ANO2: variants seen among roughly 807,000 people sequenced by gnomAD.
ANO2 encodes anoctamin 2.
Under a neutral mutation model 124.2 loss-of-function variants are expected in ANO2, and 101 were observed. That is an observed-to-expected ratio of 0.81 (90% CI 0.69 to 0.96). ANO2 has a LOEUF of 0.96. ANO2 is among the 40% of genes least tolerant of loss of function. ANO2 has a pLI of 0.00. For synonymous variants in ANO2, 486 were observed against 482.5 expected (o/e 1.01, Z -0.09); for missense variants, 1,293 against 1,274.5 (o/e 1.01, Z -0.22).
chr12:5,737,066 A>G (rs1478589042), intron 13 of ANO2, among the ~76,000 whole-genome samples: 1 of 152,238 alleles, frequency 6.6e-6, no homozygotes. Context: ...TATTCCATAC[A>G]AAAACCTAGT....
intron 13 of ANO2, among the ~76,000 whole-genome samples, chr12:5,738,138 T>G (rs1950949452): frequency 6.6e-6 from 1 of 152,230 alleles, no homozygotes. Flanking sequence ...CATTCCAAGC[T>G]GCTGCCCTGC....
chr12:5,903,479 CAT>C (rs1343168627), intron 3 of ANO2, among the ~76,000 whole-genome samples: 5 of 152,196 alleles, frequency 3.3e-5, no homozygotes, highest in African/African-American at 1.2e-4. Context: ...TGTGAAGTAT[CAT>C]ATAATTTCCC....
chr12:5,920,958 C>T (rs1941662161), intron 3 of ANO2, 82 bp downstream of exon 3: 2 of 1,419,674 alleles, frequency 1.4e-6, no homozygotes, highest in Non-Finnish European at 1.9e-6. Flanking sequence ...CCTAGGCTCT[C>T]TGTCAGGTGG....
At chr12:5,870,944 A>G (rs1053870677) in intron 3 of ANO2, among the ~76,000 whole-genome samples, 1 of 152,240 alleles carries the variant, frequency 6.6e-6, no homozygotes, top group East Asian at 1.9e-4. Flanking sequence ...ATTTACTATG[A>G]TCGTTTTCTG....
intron 14 of ANO2, among the ~76,000 whole-genome samples, chr12:5,696,222 G>C (rs1413650941): frequency 1.3e-5 from 2 of 152,082 alleles, no homozygotes; most frequent in Non-Finnish European, 2.9e-5. Flanking sequence ...TTCTTGAAAA[G>C]ACTGACAAAA....
intron 7 of ANO2, among the ~76,000 whole-genome samples, chr12:5,808,349 C>A (rs1023516661): frequency 2.0e-5 from 3 of 152,200 alleles, no homozygotes; most frequent in Non-Finnish European, 4.4e-5. Flanking sequence ...ATAAAGTCGT[C>A]GTTATTTACT....
At chr12:5,610,124 T>G (rs1465844222) in intron 19 of ANO2, among the ~76,000 whole-genome samples, 1 of 132,096 alleles carries the variant, frequency 7.6e-6, no homozygotes, top group Non-Finnish European at 1.5e-5. Flanking sequence ...TAAGTATATA[T>G]TACACATACT....
At chr12:5,840,659 AG>A (rs1479012492) in intron 4 of ANO2, among the ~76,000 whole-genome samples, 1 of 152,202 alleles carries the variant, frequency 6.6e-6, no homozygotes. Context: ...ATATCTGCAG[AG>A]GCCTAAGAGT....
At chr12:5,802,619 C>A (rs1300421549) in intron 9 of ANO2, among the ~76,000 whole-genome samples, 1 of 152,210 alleles carries the variant, frequency 6.6e-6, no homozygotes, top group Admixed American at 6.5e-5. Flanking sequence ...GGGAGGCACA[C>A]TCTGGAGTCC....
chr12:5,743,584 A>C (rs1254137481), intron 12 of ANO2, among the ~76,000 whole-genome samples: 3 of 152,036 alleles, frequency 2.0e-5, no homozygotes, highest in African/African-American at 7.2e-5. Flanking sequence ...GAGAAAAATG[A>C]AGGAATTATT....
At chr12:5,840,049 C>T (rs1253638875) in intron 4 of ANO2, among the ~76,000 whole-genome samples, 2 of 152,114 alleles carry the variant, frequency 1.3e-5, no homozygotes, top group Non-Finnish European at 2.9e-5. Flanking sequence ...CACCCCAATC[C>T]TCTTTATTAT....
At chr12:5,937,521 T>C (rs539626630) in intron 1 of ANO2, among the ~76,000 whole-genome samples, 1 of 152,364 alleles carries the variant, frequency 6.6e-6, no homozygotes, top group South Asian at 2.1e-4. Flanking sequence ...GCCTTTTCAT[T>C]TTGTTTCCTT....
intron 16 of ANO2, among the ~76,000 whole-genome samples, chr12:5,630,678 T>C (rs1427160733): frequency 1.3e-5 from 2 of 152,314 alleles, no homozygotes; most frequent in South Asian, 2.1e-4. Context: ...GAGAGAGACG[T>C]ATTTCACCAA....
intron 10 of ANO2, among the ~76,000 whole-genome samples, chr12:5,796,784 C>T (rs1175207261): frequency 6.6e-6 from 1 of 152,218 alleles, no homozygotes; most frequent in Admixed American, 6.5e-5. Context: ...GTGTCTCAAA[C>T]CCCAAGACTC....
chr12:5,642,745 T>C (rs1405602255), intron 15 of ANO2, among the ~76,000 whole-genome samples: 1 of 152,072 alleles, frequency 6.6e-6, no homozygotes, highest in Non-Finnish European at 1.5e-5. Flanking sequence ...TCCAGGGCCC[T>C]ACCTACAGGG....
intron 10 of ANO2, among the ~76,000 whole-genome samples, chr12:5,762,628 T>G (rs1385590417): frequency 6.6e-6 from 1 of 151,790 alleles, no homozygotes; most frequent in African/African-American, 2.4e-5. Flanking sequence ...AGAAAGGATA[T>G]AGATAAAACT....
At chr12:5,879,228 A>AATC (rs1237711064) in intron 3 of ANO2, among the ~76,000 whole-genome samples, 4 of 151,202 alleles carry the variant, frequency 2.6e-5, no homozygotes, top group African/African-American at 9.7e-5. Context: ...AATCATCAAT[A>AATC]ATCAGCAGAT....
At chr12:5,943,277 T>TTGTGTGTGTGTGTG (rs138167836) in intron 1 of ANO2, among the ~76,000 whole-genome samples, 5 of 148,368 alleles carry the variant, frequency 3.4e-5, no homozygotes, top group African/African-American at 1.3e-4. Context: ...GAGTGTGTGT[T>TTGTGTGTGTGTGTG]TGTGTGTGTG....
Position 5,578,527 on chromosome 12 carries a change from G to C in ANO2, c.2234-9C>G, listed in dbSNP as rs760238447. The C allele has an allele frequency of 6.1e-5, 99 of 1,611,398 alleles. No homozygotes were observed. The highest frequency in any genetic ancestry group is 8.3e-5 in the Non-Finnish European group (98 of 1,178,874). On this transcript the variant is annotated splice_polypyrimidine_tract_variant and intron_variant, in intron 20 of 24. Transcript: ENST00000682330. Reference sequence around the variant, plus strand: ...AAAACCAAACTGGATGACTGCGAGAGAGCACAGCATGAGGGCTTCAGCAGG... The same window carrying C: ...AAAACCAAACTGGATGACTGCGAGACAGCACAGCATGAGGGCTTCAGCAGG...
Sources: gnomAD v4.1 joint callset for allele counts (sites outside exome capture counted in the v4.1 genomes callset) on GRCh38, gnomAD v4.1.1 for gene constraint, MANE v1.5 for transcripts, NCBI Gene and HGNC (gene_info 2026-07-23, HGNC 2026-07-21) for gene names.